The following CACNA1H variants were observed in gnomAD, a reference collection of about 807,000 sequenced individuals.
The protein encoded by CACNA1H is calcium voltage-gated channel subunit alpha1 H, also known as voltage-dependent T-type calcium channel subunit alpha-1H.
Under a neutral mutation model 192.5 loss-of-function variants are expected in CACNA1H, and 149 were observed. That is an observed-to-expected ratio of 0.77 (90% CI 0.68 to 0.89). The LOEUF is 0.89. Among genes scored for constraint, CACNA1H ranks in the 40% least tolerant of loss-of-function variants. The pLI, the probability that CACNA1H is intolerant of heterozygous loss-of-function variation, is 0.00. For synonymous variants in CACNA1H, 2,202 were observed against 1,475.2 expected, an observed-to-expected ratio of 1.49 and a Z score of -11.29; for missense variants, 4,257 against 3,423.5, an observed-to-expected ratio of 1.24 and a Z score of -6.08.
rs2738891 is a variant in CACNA1H at position 1,218,485 on chromosome 16, C to T, written c.5721C>T (p.Gly1907=). The T allele has an allele frequency of 0.13, 197,872 of 1,551,744 alleles. 14,223 individuals are homozygous for T. Among genetic ancestry groups the T allele is most frequent in the South Asian group, 0.24 (19,937 of 84,140 alleles). ...DRPPLPQESP[G]ARDAPNLVAR... is the part of the protein sequence containing the mutation. Reference sequence around the variant, plus strand: ...CTCCCTTGCCCCAGGAGAGTCCGGGCGCCAGGGACGCCCCAAACCTGGTTG... The same window carrying T: ...CTCCCTTGCCCCAGGAGAGTCCGGGTGCCAGGGACGCCCCAAACCTGGTTG... Residue 1907 remains glycine, a synonymous_variant, in exon 33 of 35, where the codon GGC becomes GGT. Transcript: ENST00000348261.
intron 2 of CACNA1H, among the ~76,000 whole-genome samples, chr16:1,170,466 G>A (rs575614382): frequency 5.3e-5 from 8 of 152,324 alleles, no homozygotes; most frequent in Admixed American, 2.0e-4. Flanking sequence ...GGAGGGGAGC[G>A]GGTGGACGGG....
chr16:1,159,403 G>A (rs953428044), intron 2 of CACNA1H: 1 of 152,490 alleles, frequency 6.6e-6, no homozygotes, highest in African/African-American at 2.4e-5. Context: ...GCCTTGAGGT[G>A]GGGGGATGTC....
At position 1,215,228 on chromosome 16, in the gene CACNA1H, CTCCGG is replaced by C. The variant is rs1567549599; in HGVS notation, c.5040-13_5040-9del. 4 of 1,597,070 alleles carry C rather than the reference CTCCGG, an allele frequency of 2.5e-6. No homozygotes were observed. Among genetic ancestry groups the C allele is most frequent in the Non-Finnish European group, 3.4e-6 (4 of 1,171,556 alleles). ...GGGACCCCAGACGTGTGCGCTGAGC[CTCCGG>C]CCACACAGGTGGAACCAGCTGGACC... On this transcript the variant is annotated splice_polypyrimidine_tract_variant and intron_variant, in intron 28 of 34. Coordinates refer to ENST00000348261, the MANE Select transcript of CACNA1H (RefSeq NM_021098.3).
At chr16:1,211,902 CT>C (rs747234775) in intron 24 of CACNA1H, 43 bp from the exon 25 acceptor site, 34 of 1,611,748 alleles carry the variant, frequency 2.1e-5, no homozygotes, top group Non-Finnish European at 2.6e-5. Flanking sequence ...GGTAGGGCCC[CT>C]GGCGGGGCAG....
At chr16:1,207,197 C>T (rs1968835583) in intron 13 of CACNA1H, 78 bp from the exon 14 acceptor site, 2 of 1,551,488 alleles carry the variant, frequency 1.3e-6, no homozygotes, top group Admixed American at 1.9e-5. Flanking sequence ...CCTGCGCATC[C>T]ATAGCTGCCT....
intron 6 of CACNA1H, 67 bp downstream of exon 6, chr16:1,198,841 C>A: frequency 2.0e-6 from 3 of 1,465,524 alleles, no homozygotes; most frequent in Non-Finnish European, 2.8e-6. Flanking sequence ...GATAACGCAC[C>A]ATGTGGCTCC....
intron 6 of CACNA1H, among the ~76,000 whole-genome samples, chr16:1,199,526 CCT>C (rs1383668033): frequency 6.7e-6 from 1 of 150,164 alleles, no homozygotes; most frequent in East Asian, 2.0e-4. Context: ...AGTGCTGCCA[CCT>C]CTCAGCCCCC....
intron 26 of CACNA1H, 32 bp downstream of exon 26, chr16:1,212,560 C>T (rs374710287): frequency 1.4e-4 from 223 of 1,603,610 alleles, no homozygotes; most frequent in Non-Finnish European, 1.7e-4. Context: ...CCTCAGGCCC[C>T]GCTTCTGCGG....
intron 18 of CACNA1H, 105 bp downstream of exon 18, chr16:1,210,240 TG>T: frequency 8.0e-7 from 1 of 1,248,720 alleles, no homozygotes; most frequent in Non-Finnish European, 1.1e-6. Context: ...TATTTCCGAG[TG>T]GGCACCCCTT....
At chr16:1,199,660 C>T (rs1967544729) in intron 6 of CACNA1H, among the ~76,000 whole-genome samples, 2 of 149,746 alleles carry the variant, frequency 1.3e-5, no homozygotes, top group Non-Finnish European at 3.0e-5. Context: ...CCCGGGGTCC[C>T]CTCAACCCTC....
At chr16:1,201,411 A>G (rs1266586513) in intron 8 of CACNA1H, among the ~76,000 whole-genome samples, 1 of 152,116 alleles carries the variant, frequency 6.6e-6, no homozygotes, top group Non-Finnish European at 1.5e-5. Context: ...GGAGGGGCCG[A>G]GCCACATGGA....
In CACNA1H at chr16:1,218,160, G is replaced by A. The variant is rs547940495; in HGVS notation, c.5446-50G>A. Reference sequence around the variant, plus strand: ...GGAAGGGGACGGCACTGCCAGGGTGGCACCCGCGGGTGGGTGTGGACCCCG... The same window carrying A: ...GGAAGGGGACGGCACTGCCAGGGTGACACCCGCGGGTGGGTGTGGACCCCG... On this transcript the variant is annotated intron_variant, in intron 32 of 34. Coordinates refer to ENST00000348261, the MANE Select transcript of CACNA1H (RefSeq NM_021098.3). 1.6e-5 allele frequency: 25 copies of A among 1,533,182 alleles called. No individual in the cohort carries two copies. In the African/African-American group the frequency reaches 2.5e-4, roughly 15 times the overall value. The allele number at this position is 1,533,182 out of a possible 1,614,324, so 95.0% of individuals were successfully genotyped here.
chr16:1,215,380 G>C lies in CACNA1H; in HGVS notation c.5173+5G>C. On this transcript the variant is annotated splice_donor_5th_base_variant and intron_variant, in intron 29 of 34. Transcript: ENST00000348261. The stretch of plus-strand genomic sequence containing the variant: ...GCGTGCTTCGCATTGCCCGTGGTAG[G>C]TGCCCGCGTGCCCGCCAGGTTCTCT... 6.2e-7 allele frequency: 1 copy of C among 1,606,354 alleles called. No individual in the cohort carries two copies. The highest frequency in any genetic ancestry group is 8.5e-7 in the Non-Finnish European group (1 of 1,176,930).
chr16:1,202,845 G>T (rs1286940709), intron 9 of CACNA1H, among the ~76,000 whole-genome samples: 1 of 152,152 alleles, frequency 6.6e-6, no homozygotes, highest in Non-Finnish European at 1.5e-5. Context: ...CATTGAGGCT[G>T]GCCCCCCTTC....
At chr16:1,210,715 C>A (rs560567653) in intron 20 of CACNA1H, 64 bp downstream of exon 20, 5 of 1,576,580 alleles carry the variant, frequency 3.2e-6, no homozygotes, top group Non-Finnish European at 4.3e-6. Context: ...TCCCCACCCC[C>A]ACCCAGCAGC....
intron 2 of CACNA1H, among the ~76,000 whole-genome samples, chr16:1,194,659 G>C (rs900331471): frequency 1.3e-5 from 2 of 152,210 alleles, no homozygotes; most frequent in Non-Finnish European, 1.5e-5. Flanking sequence ...CCCTCACTGG[G>C]GCCTCACTAC....
chr16:1,208,652 A>C (rs947786410), intron 16 of CACNA1H, among the ~76,000 whole-genome samples: 1 of 152,154 alleles, frequency 6.6e-6, no homozygotes, highest in Admixed American at 6.5e-5. Flanking sequence ...AGTACCACCC[A>C]CAACAGACAC....
chr16:1,154,930 A>C (rs1467117722), intron 2 of CACNA1H, among the ~76,000 whole-genome samples: 3 of 152,000 alleles, frequency 2.0e-5, no homozygotes, highest in Non-Finnish European at 2.9e-5. Context: ...GGGTCTCCCC[A>C]CCGGCCCTTC....
chr16:1,181,806 C>T (rs1965496136), intron 2 of CACNA1H, among the ~76,000 whole-genome samples: 1 of 152,170 alleles, frequency 6.6e-6, no homozygotes, highest in Non-Finnish European at 1.5e-5. Context: ...GAGTTCTCCA[C>T]TTGTGTGTGG....
Sources: allele counts gnomAD v4.1 joint callset (sites outside exome capture counted in the v4.1 genomes callset), GRCh38; gene constraint gnomAD v4.1.1; transcripts MANE v1.5; gene names NCBI Gene and HGNC (gene_info 2026-07-23, HGNC 2026-07-21).